Variants in REST observed in about 807,000 individuals in gnomAD.
REST encodes RE1 silencing transcription factor.
Under a neutral mutation model 30.4 loss-of-function variants are expected in REST, and 1 was observed. That is an observed-to-expected ratio of 0.03 (90% CI 0.01 to 0.16). The LOEUF is 0.16. Among genes scored for constraint, REST ranks in the 10% least tolerant of loss-of-function variants. REST has a pLI of 1.00. For missense variants in REST, 1,259 were observed against 1,329.5 expected (o/e 0.95, Z 0.82); for synonymous variants, 504 against 451.1 (o/e 1.12, Z -1.49).
intron 2 of REST, among the ~76,000 whole-genome samples, chr4:56,918,523 C>T (rs897231069): frequency 4.6e-5 from 7 of 152,054 alleles, no homozygotes; most frequent in African/African-American, 1.2e-4. Context: ...AATTGATGAC[C>T]TTCTCTTAAA....
intron 3 of REST, among the ~76,000 whole-genome samples, chr4:56,921,194 T>A (rs1720434776): frequency 6.6e-6 from 1 of 152,166 alleles, no homozygotes; most frequent in Admixed American, 6.5e-5. Flanking sequence ...AATACAGATT[T>A]AGAATGTATA....
Position 56,932,057 on chromosome 4 carries a change from C to A in REST, c.3199C>A (p.Arg1067Ser). ...KGDFVCIFCD[R>S]SFRKGKDYSK... The stretch of plus-strand genomic sequence containing the variant: ...AGATTTTGTTTGTATCTTCTGTGAT[C>A]GTTCTTTCAGAAAGGGAAAAGATTA... The change falls in exon 4 of 4, where the codon CGT (arginine) becomes AGT (serine). Residue 1067 changes from arginine to serine, a missense_variant. By Grantham distance (110) the Arg-to-Ser change is moderately radical (BLOSUM62 -1). Coordinates refer to ENST00000309042, the MANE Select transcript of REST (RefSeq NM_005612.5). The A allele has an allele frequency of 6.2e-7, 1 of 1,614,140 alleles. No individual in the cohort carries two copies. The highest frequency in any genetic ancestry group is 8.5e-7 in the Non-Finnish European group (1 of 1,180,030).
intron 3 of REST, among the ~76,000 whole-genome samples, chr4:56,923,040 GTTTGCAAAATGT>G (rs1372875527): frequency 6.6e-6 from 1 of 152,158 alleles, no homozygotes; most frequent in Non-Finnish European, 1.5e-5. Flanking sequence ...TTGTATTTGG[GTTTGCAAAATGT>G]TTTGAGTTTT....
At chr4:56,927,628 C>A (rs573157047) in intron 3 of REST, 2 of 1,206,122 alleles carry the variant, frequency 1.7e-6, no homozygotes, top group African/African-American at 1.6e-5. Context: ...GGTATGGATA[C>A]CATTTGGTAA....
chr4:56,919,050 C>T (rs922918992), intron 2 of REST, among the ~76,000 whole-genome samples: 2 of 151,032 alleles, frequency 1.3e-5, no homozygotes, highest in African/African-American at 2.4e-5. Flanking sequence ...ACAACAGGCA[C>T]GTACCACCAT....
chr4:56,915,314 C>T (rs901882558), intron 2 of REST, among the ~76,000 whole-genome samples: 10 of 135,430 alleles, frequency 7.4e-5, no homozygotes, highest in Non-Finnish European at 1.4e-4. Context: ...GGCGTGATCT[C>T]TGTTCACTGC....
chr4:56,922,091 T>C (rs1032175734), intron 3 of REST, among the ~76,000 whole-genome samples: 3 of 152,052 alleles, frequency 2.0e-5, no homozygotes, highest in Non-Finnish European at 4.4e-5. Flanking sequence ...GTACTTTGAG[T>C]GTTTTTTTCC....
intron 3 of REST, 61 bp from the exon 4 acceptor site, chr4:56,929,780 T>C (rs917364070): frequency 4.6e-5 from 67 of 1,459,454 alleles, no homozygotes; most frequent in Non-Finnish European, 6.2e-5. Context: ...CAGTTCTTTA[T>C]ATTTTAATCT....
intron 3 of REST, among the ~76,000 whole-genome samples, chr4:56,926,482 T>C (rs1461122224): frequency 6.6e-6 from 1 of 151,874 alleles, no homozygotes; most frequent in Non-Finnish European, 1.5e-5. Flanking sequence ...GTTCAAGGGA[T>C]TCTCCTGCCT....
intron 1 of REST, chr4:56,909,460 G>C (rs1462009088): frequency 2.0e-5 from 3 of 152,250 alleles, no homozygotes; most frequent in African/African-American, 7.2e-5. Flanking sequence ...TGGGGTGGCA[G>C]TTAGGGGTTA....
chr4:56,931,071 A>C lies in REST; in HGVS notation c.2213A>C (p.Glu738Ala). 7.2e-7 allele frequency: 1 copy of C among 1,386,168 alleles called. No individual in the cohort carries two copies. The highest frequency in any genetic ancestry group is 1.0e-6 in the Non-Finnish European group (1 of 1,002,176). 85.9% of individuals were successfully genotyped at this position (1,386,168 alleles called of 1,614,324 possible). A position where few individuals can be genotyped will look rare whatever the true frequency, so the allele number is the denominator to read the frequency against. Residue 738 changes from glutamate to alanine, a missense_variant, in exon 4 of 4, where the codon GAG becomes GCG. Physicochemically the swap from Glu to Ala is moderately radical, Grantham distance 107. Transcript: ENST00000309042. ...PVQMELSPPM[E>A]VVQKEPVQIE... ...CAGATGGAGCTGTCTCCTCCCATGG[A>C]GGTGGTCCAGAAGGAGCCTGTTCAG...
At position 56,910,974 on chromosome 4, in the gene REST, A is replaced by G. The variant is rs771780114; in HGVS notation, c.336A>G (p.Arg112=). 2.5e-5 allele frequency: 40 copies of G among 1,614,076 alleles called. No homozygotes were observed. Among genetic ancestry groups the G allele is most frequent in the Non-Finnish European group, 3.3e-5 (39 of 1,180,046 alleles). The change falls in exon 2 of 4, where the codon AGA becomes AGG. Residue 112 remains arginine, a synonymous_variant. Coordinates refer to ENST00000309042, the MANE Select transcript of REST (RefSeq NM_005612.5). ...EPHGLENMEL[R]SLELSVVEPQ... is the part of the protein sequence containing the mutation. ...ATGGACTGGAAAACATGGAACTGAG[A>G]AGTTTGGAACTCAGCGTCGTAGAAC...
intron 2 of REST, among the ~76,000 whole-genome samples, chr4:56,917,154 A>G (rs1389335124): frequency 1.3e-5 from 2 of 152,130 alleles, no homozygotes; most frequent in Non-Finnish European, 2.9e-5. Context: ...GCTATTTGTA[A>G]ATCTTTTTTT....
rs562997282 is a variant in REST at position 56,930,495 on chromosome 4, A to T, written c.1637A>T (p.Lys546Met). 3.1e-6 allele frequency: 5 copies of T among 1,611,964 alleles called. No homozygotes were observed. In the South Asian group the frequency reaches 4.4e-5, roughly 14 times the overall value. Residue 546 changes from lysine (K) to methionine (M), a missense_variant, in exon 4 of 4, where the codon AAG becomes ATG. By Grantham distance (95) the Lys-to-Met change is moderately conservative. Transcript: ENST00000309042. ...DEESSTKKKK[K>M]VESKSKNNSQ... ...GAATCTTCAACAAAAAAGAAAAAGA[A>T]GGTAGAAAGCAAATCCAAAAATAAT...
Position 56,932,149 on chromosome 4 carries a change from G to A in REST, c.3291G>A (p.Glu1097=). 2.5e-6 allele frequency: 4 copies of A among 1,593,678 alleles called. No individual in the cohort carries two copies. Among genetic ancestry groups the A allele is most frequent in the Middle Eastern group, 1.7e-4 (1 of 5,932 alleles). The change falls in exon 4 of 4, where the codon GAG becomes GAA. Residue 1097 remains glutamate (E), a synonymous_variant. Transcript: ENST00000309042. ...YYLEEAAQGQ[E] ...TTGAAGAAGCAGCTCAAGGGCAGGAGTAATGAAACTTTGAACAAGGTTTCA... is the reference window on the plus strand; with the variant it reads ...TTGAAGAAGCAGCTCAAGGGCAGGAATAATGAAACTTTGAACAAGGTTTCA...
intron 2 of REST, among the ~76,000 whole-genome samples, chr4:56,912,051 C>G (rs867688734): frequency 6.6e-6 from 1 of 152,166 alleles, no homozygotes; most frequent in Non-Finnish European, 1.5e-5. Flanking sequence ...AAATTGAGGG[C>G]TTATATAAAA....
chr4:56,912,961 T>A (rs1720002611), intron 2 of REST, among the ~76,000 whole-genome samples: 1 of 148,090 alleles, frequency 6.8e-6, no homozygotes, highest in African/African-American at 2.5e-5. Flanking sequence ...TTTTTTTTTT[T>A]TTTTAATTTC....
intron 3 of REST, among the ~76,000 whole-genome samples, chr4:56,926,816 G>A (rs1720732165): frequency 6.6e-6 from 1 of 151,914 alleles, no homozygotes; most frequent in South Asian, 2.1e-4. Flanking sequence ...TGAAATTGAG[G>A]CCGGGCGCGG....
chr4:56,931,510 C>A lies in REST; in HGVS notation c.2652C>A (p.Asn884Lys), dbSNP rs1560453233. ...EEASGDQKLL[N>K]TGEGNKEAPL... ...CATCAGGAGACCAAAAATTACTCAA[C>A]ACAGGTGAAGGAAATAAAGAAGCCC... The change falls in exon 4 of 4, where the codon AAC becomes AAA. Residue 884 changes from asparagine (N) to lysine (K), a missense_variant. By Grantham distance (94) the Asn-to-Lys change is moderately conservative. This residue lies in a region of REST where 856 missense variants were observed against 772.8 expected (regional missense o/e 1.11). Coordinates refer to ENST00000309042, the MANE Select transcript of REST (RefSeq NM_005612.5). 6.2e-7 allele frequency: 1 copy of A among 1,614,158 alleles called. No homozygotes were observed. Among genetic ancestry groups the A allele is most frequent in the East Asian group, 2.2e-5 (1 of 44,876 alleles).
Sources: allele counts gnomAD v4.1 joint callset (sites outside exome capture counted in the v4.1 genomes callset), GRCh38; gene constraint gnomAD v4.1.1; regional missense constraint gnomAD v4.1.1; transcripts MANE v1.5; gene names NCBI Gene and HGNC (gene_info 2026-07-23, HGNC 2026-07-21).